The following BTD variants were observed in gnomAD, a reference collection of about 807,000 sequenced individuals.
BTD encodes the protein biotinidase.
BTD carries 13 observed loss-of-function variants against 17.7 expected under a neutral mutation model. The ratio of observed to expected loss-of-function variants is 0.74; its 90% CI spans 0.48 to 1.17. The LOEUF (loss-of-function observed/expected upper bound fraction) is 1.17. Among genes scored for constraint, BTD ranks in the 50% most tolerant of loss-of-function variants. The probability of loss-of-function intolerance (pLI) is 0.00; values close to 1 mark genes in which losing one functional copy is unlikely to be tolerated. For synonymous variants in BTD, 240 were observed against 245.2 expected (o/e 0.98, Z 0.20); for missense variants, 674 against 650.4 (o/e 1.04, Z -0.39).
At chr3:15,638,842 T>G (rs1410850052) in intron 2 of BTD, among the ~76,000 whole-genome samples, 1 of 152,214 alleles carries the variant, frequency 6.6e-6, no homozygotes, top group South Asian at 2.1e-4. Context: ...TACTGAACAC[T>G]GTAGGCAGTT....
chr3:15,622,876 C>T (rs190619446), intron 1 of BTD, among the ~76,000 whole-genome samples: 1 of 152,188 alleles, frequency 6.6e-6, no homozygotes, highest in Non-Finnish European at 1.5e-5. Context: ...TTCTTGCTTT[C>T]TCTTAATGAC....
chr3:15,679,664 C>T, intron 3 of BTD: 1 of 859,284 alleles, frequency 1.2e-6, no homozygotes, highest in Non-Finnish European at 1.8e-6. Flanking sequence ...AAAGTCTCTC[C>T]CTCATCCCAT....
At chr3:15,709,580 G>T in intron 3 of BTD, 1 of 854,278 alleles carries the variant, frequency 1.2e-6, no homozygotes, top group Non-Finnish European at 1.9e-6. Context: ...ATGCTAAATT[G>T]TTCAGTTAAT....
At chr3:15,634,444 T>A (rs1306131509) in intron 1 of BTD, among the ~76,000 whole-genome samples, 2 of 152,216 alleles carry the variant, frequency 1.3e-5, no homozygotes, top group Admixed American at 6.5e-5. Flanking sequence ...GAGGCCAGGC[T>A]GATTTTTAAA....
chr3:15,716,123 C>T (rs972429494), downstream of BTD, among the ~76,000 whole-genome samples: 4 of 151,544 alleles, frequency 2.6e-5, no homozygotes, highest in Non-Finnish European at 5.9e-5. Flanking sequence ...GCTGGGATTA[C>T]AGGCATGCAC....
intron 3 of BTD, among the ~76,000 whole-genome samples, chr3:15,664,197 G>A (rs1459566271): frequency 2.0e-5 from 3 of 152,234 alleles, no homozygotes; most frequent in African/African-American, 7.2e-5. Context: ...TGCTGGTTCT[G>A]TCCATTAGTG....
At chr3:15,720,228 C>A (rs559470652) in intron 4 of BTD, among the ~76,000 whole-genome samples, 10 of 151,382 alleles carry the variant, frequency 6.6e-5, no homozygotes, top group South Asian at 4.2e-4. Flanking sequence ...CAAAAAAAAA[C>A]CAAAAAGCAA....
At chr3:15,605,760 C>T (rs973831572) in intron 1 of BTD, among the ~76,000 whole-genome samples, 5 of 151,954 alleles carry the variant, frequency 3.3e-5, no homozygotes, top group South Asian at 2.1e-4. Context: ...AGATGTGAAA[C>T]GGGCTGGGCA....
chr3:15,689,424 GC>G (rs2068521056), intron 3 of BTD, among the ~76,000 whole-genome samples: 1 of 152,190 alleles, frequency 6.6e-6, no homozygotes, highest in South Asian at 2.1e-4. Context: ...TGAATCCACT[GC>G]CACTGCCCCC....
At chr3:15,604,023 G>A (rs1394958689) in intron 1 of BTD, among the ~76,000 whole-genome samples, 1 of 152,190 alleles carries the variant, frequency 6.6e-6, no homozygotes, top group African/African-American at 2.4e-5. Flanking sequence ...GGCACATGGT[G>A]CAAGTGGTCA....
At chr3:15,683,729 G>T (rs1452117525) in intron 3 of BTD, 1 of 152,090 alleles carries the variant, frequency 6.6e-6, no homozygotes, top group Non-Finnish European at 1.5e-5. Flanking sequence ...TCAAAATATT[G>T]TATCTCAGAA....
At chr3:15,621,184 A>C (rs1270270587) in intron 1 of BTD, among the ~76,000 whole-genome samples, 3 of 152,252 alleles carry the variant, frequency 2.0e-5, no homozygotes, top group Non-Finnish European at 4.4e-5. Context: ...TTAGACTCAC[A>C]CACTCATCTC....
intron 4 of BTD, among the ~76,000 whole-genome samples, chr3:15,717,797 C>T (rs921519437): frequency 6.6e-6 from 1 of 152,156 alleles, no homozygotes; most frequent in Non-Finnish European, 1.5e-5. Context: ...CAGACCTATA[C>T]TGCTTTATAA....
chr3:15,657,689 G>T (rs2065884472), downstream of BTD, among the ~76,000 whole-genome samples: 1 of 152,130 alleles, frequency 6.6e-6, no homozygotes, highest in African/African-American at 2.4e-5. Context: ...GGTCCCAGCT[G>T]CTTTTTTGCT....
intron 1 of BTD, among the ~76,000 whole-genome samples, chr3:15,604,360 C>T: frequency 6.6e-6 from 1 of 152,234 alleles, no homozygotes; most frequent in Non-Finnish European, 1.5e-5. Context: ...GTACATTGGC[C>T]CTTTTTAGCC....
intron 3 of BTD, among the ~76,000 whole-genome samples, chr3:15,697,584 C>T (rs1238412767): frequency 3.3e-5 from 5 of 152,022 alleles, no homozygotes; most frequent in African/African-American, 1.2e-4. Context: ...ACCAGCCTTG[C>T]ATCCCAGGGA....
chr3:15,669,008 A>C (rs945015085), intron 3 of BTD: 1 of 152,608 alleles, frequency 6.6e-6, no homozygotes, highest in African/African-American at 2.4e-5. Context: ...CCGAAATATC[A>C]GCCTTCTCTC....
At chr3:15,607,642 G>A (rs192598178) in intron 1 of BTD, among the ~76,000 whole-genome samples, 5 of 152,324 alleles carry the variant, frequency 3.3e-5, no homozygotes, top group Admixed American at 2.0e-4. Context: ...TCTCACAAAT[G>A]TATTATCAAA....
At chr3:15,698,368 T>C (rs6442540) in intron 3 of BTD, among the ~76,000 whole-genome samples, 97,799 of 151,872 alleles carry the variant, frequency 0.64, 32,440 homozygotes, top group East Asian at 0.91. Context: ...CTATTCAACA[T>C]AGTGTTGGAA....
Sources: gnomAD v4.1 joint callset for allele counts (sites outside exome capture counted in the v4.1 genomes callset) on GRCh38, gnomAD v4.1.1 for gene constraint, MANE v1.5 for transcripts, NCBI Gene and HGNC (gene_info 2026-07-23, HGNC 2026-07-21) for gene names.